ARHGAP6: variants seen among roughly 807,000 people sequenced by gnomAD.
The protein encoded by ARHGAP6 is rho GTPase-activating protein 6.
ARHGAP6 carries 16 observed loss-of-function variants against 55.7 expected under a neutral mutation model. That is an observed-to-expected ratio of 0.29 (90% CI 0.19 to 0.44). The LOEUF (loss-of-function observed/expected upper bound fraction) is 0.44, where lower values mean the gene tolerates loss of function less well. Among genes scored for constraint, ARHGAP6 ranks in the 20% least tolerant of loss-of-function variants. The pLI, the probability that ARHGAP6 is intolerant of heterozygous loss-of-function variation, is 1.00. For synonymous variants in ARHGAP6, 382 were observed against 360.9 expected (o/e 1.06, Z -0.66); for missense variants, 698 against 808.9 (o/e 0.86, Z 1.66).
At chrX:11,505,593 T>C (rs947512524) in intron 1 of ARHGAP6, among the ~76,000 whole-genome samples, 2 of 111,187 alleles carry the variant, frequency 1.8e-5, no homozygotes, top group Non-Finnish European at 3.8e-5. Context: ...TAAAGACCCA[T>C]GCACGTGAAT....
At chrX:11,414,727 C>A (rs1005224584) in intron 1 of ARHGAP6, among the ~76,000 whole-genome samples, 2 of 111,816 alleles carry the variant, frequency 1.8e-5, no homozygotes, top group Admixed American at 1.9e-4. Flanking sequence ...AATTTAATTG[C>A]CAAACGTTGC....
intron 10 of ARHGAP6, among the ~76,000 whole-genome samples, chrX:11,144,496 G>A (rs2045663804): frequency 8.9e-6 from 1 of 112,447 alleles, no homozygotes; most frequent in Non-Finnish European, 1.9e-5. Context: ...AGAAGGCACG[G>A]TGAGAATGAA....
At chrX:11,454,018 A>G (rs1026628199) in intron 1 of ARHGAP6, among the ~76,000 whole-genome samples, 14 of 109,805 alleles carry the variant, frequency 1.3e-4, no homozygotes, top group Non-Finnish European at 2.7e-4. Flanking sequence ...ATCTCGGCTC[A>G]CTGCAAGCTC....
chrX:11,449,705 G>A (rs1012893045), intron 1 of ARHGAP6, among the ~76,000 whole-genome samples: 1 of 112,422 alleles, frequency 8.9e-6, no homozygotes, highest in Non-Finnish European at 1.9e-5. Flanking sequence ...CAGCACAGGG[G>A]CTGGCACACT....
intron 1 of ARHGAP6, among the ~76,000 whole-genome samples, chrX:11,472,238 G>T (rs920914954): frequency 1.2e-4 from 13 of 111,656 alleles, no homozygotes; most frequent in African/African-American, 3.9e-4. Flanking sequence ...CTCCACCCCA[G>T]TTGTAAGAAC....
chrX:11,622,493 G>A (rs2052241441), intron 1 of ARHGAP6, among the ~76,000 whole-genome samples: 1 of 111,760 alleles, frequency 8.9e-6, no homozygotes, highest in South Asian at 3.7e-4. Context: ...ACTGTTCAGA[G>A]AAATAGTTAC....
chrX:11,373,298 A>G (rs1464711246), intron 1 of ARHGAP6, among the ~76,000 whole-genome samples: 1 of 110,117 alleles, frequency 9.1e-6, no homozygotes, highest in Admixed American at 9.8e-5. Context: ...GTAAAACAGG[A>G]GATCTTGTTT....
intron 2 of ARHGAP6, among the ~76,000 whole-genome samples, chrX:11,243,665 G>A (rs758225053): frequency 7.1e-5 from 8 of 112,300 alleles, no homozygotes; most frequent in Non-Finnish European, 1.3e-4. Context: ...ATGCAGTCAT[G>A]TGCCACATAA....
intron 1 of ARHGAP6, among the ~76,000 whole-genome samples, chrX:11,569,733 A>C (rs1046721265): frequency 1.5e-4 from 17 of 111,479 alleles, no homozygotes; most frequent in Non-Finnish European, 2.8e-4. Context: ...ACACTCTTGA[A>C]AATTCCTTCT....
chrX:11,525,413 C>T (rs1402198498), intron 1 of ARHGAP6, among the ~76,000 whole-genome samples: 9 of 112,039 alleles, frequency 8.0e-5, no homozygotes, highest in Non-Finnish European at 1.3e-4. Context: ...TTCAACTCTG[C>T]AATTGACACT....
chrX:11,441,075 G>A (rs772156381), intron 1 of ARHGAP6, among the ~76,000 whole-genome samples: 1 of 111,591 alleles, frequency 9.0e-6, no homozygotes, highest in African/African-American at 3.3e-5. Flanking sequence ...GAAAAGGACA[G>A]TCCACAGGAA....
intron 1 of ARHGAP6, among the ~76,000 whole-genome samples, chrX:11,551,340 T>C (rs948906645): frequency 1.8e-5 from 2 of 111,839 alleles, no homozygotes; most frequent in African/African-American, 6.5e-5. Context: ...TACAGGCTAA[T>C]TGCCAGCAAA....
intron 1 of ARHGAP6, among the ~76,000 whole-genome samples, chrX:11,515,135 T>C (rs1425085641): frequency 8.9e-6 from 1 of 111,955 alleles, no homozygotes; most frequent in Non-Finnish European, 1.9e-5. Context: ...GGACCTGAAG[T>C]AGAATGGTGG....
At chrX:11,461,338 A>T (rs1486919646) in intron 1 of ARHGAP6, among the ~76,000 whole-genome samples, 2 of 112,056 alleles carry the variant, frequency 1.8e-5, no homozygotes, top group African/African-American at 6.5e-5. Flanking sequence ...GTGACTAAGG[A>T]CAAGAGTTAT....
chrX:11,450,720 C>T (rs1026286802), intron 1 of ARHGAP6, among the ~76,000 whole-genome samples: 2 of 112,085 alleles, frequency 1.8e-5, no homozygotes, highest in African/African-American at 6.5e-5. Flanking sequence ...TTCTAATCTT[C>T]AGCACTATGA....
At chrX:11,418,986 T>G (rs891380992) in intron 1 of ARHGAP6, among the ~76,000 whole-genome samples, 1 of 112,452 alleles carries the variant, frequency 8.9e-6, no homozygotes, top group African/African-American at 3.2e-5. Flanking sequence ...GTTCTGCCCT[T>G]CTCTGTGCTG....
At chrX:11,421,495 G>A (rs1603197288) in intron 1 of ARHGAP6, among the ~76,000 whole-genome samples, 1 of 111,650 alleles carries the variant, frequency 9.0e-6, no homozygotes, top group Non-Finnish European at 1.9e-5. Context: ...CCTAGAATAT[G>A]GATACCGAGG....
At chrX:11,426,784 C>T (rs1946735763) in intron 1 of ARHGAP6, among the ~76,000 whole-genome samples, 1 of 108,802 alleles carries the variant, frequency 9.2e-6, no homozygotes, top group Non-Finnish European at 1.9e-5. Context: ...TGGATTTGGT[C>T]GGTCGTTAAC....
chrX:11,338,590 C>T (rs895085931), intron 1 of ARHGAP6, among the ~76,000 whole-genome samples: 4 of 111,767 alleles, frequency 3.6e-5, no homozygotes, highest in Non-Finnish European at 7.5e-5. Context: ...AATGAAGTCC[C>T]GAACTGAAGG....
Sources: gnomAD v4.1 joint callset for allele counts (sites outside exome capture counted in the v4.1 genomes callset) on GRCh38, gnomAD v4.1.1 for gene constraint, MANE v1.5 for transcripts, NCBI Gene and HGNC (gene_info 2026-07-23, HGNC 2026-07-21) for gene names.